Variants in TASP1 observed in about 807,000 individuals in gnomAD.
TASP1 encodes threonine aspartase 1.
Under a neutral mutation model 56.6 loss-of-function variants are expected in TASP1, and 16 were observed. The observed-to-expected ratio is 0.28, with a 90% CI of 0.19 to 0.43. The LOEUF (loss-of-function observed/expected upper bound fraction) is 0.43, where lower values mean the gene tolerates loss of function less well. Ranked by LOEUF, TASP1 falls within the 20% of genes least tolerant of loss-of-function variation. TASP1 has a pLI of 1.00. For missense variants in TASP1, 393 were observed against 511.6 expected (o/e 0.77, Z 2.24); for synonymous variants, 179 against 184.2 (o/e 0.97, Z 0.23).
the TASP1 span, among the ~76,000 whole-genome samples, chr20:13,348,736 T>C: frequency 2.6e-5 from 4 of 152,188 alleles, no homozygotes; most frequent in Non-Finnish European, 4.4e-5. Flanking sequence ...CTTCCAGACA[T>C]GGAACTGGGG....
the TASP1 span, among the ~76,000 whole-genome samples, chr20:13,276,461 A>G: frequency 1.3e-5 from 2 of 152,230 alleles, no homozygotes; most frequent in African/African-American, 2.4e-5. Context: ...AGACAGAATT[A>G]TCGAAATGGG....
chr20:13,299,363 T>G, the TASP1 span: 4 of 1,613,834 alleles, frequency 2.5e-6, no homozygotes, highest in Non-Finnish European at 3.4e-6. The surrounding 1 kb of genome is among the most constrained non-coding windows in gnomAD (Gnocchi z 5.8). Flanking sequence ...GGAGCAGGTA[T>G]AACGAGGCCC....
At chr20:13,287,973 T>C in the TASP1 span, among the ~76,000 whole-genome samples, 1 of 152,202 alleles carries the variant, frequency 6.6e-6, no homozygotes, top group Admixed American at 6.5e-5. Flanking sequence ...CTAGAAGGCT[T>C]GAGAAGGCTT....
chr20:13,376,150 C>A, the TASP1 span, among the ~76,000 whole-genome samples: 3 of 152,144 alleles, frequency 2.0e-5, no homozygotes, highest in South Asian at 6.2e-4. Context: ...ACTCTTTGCC[C>A]ATGCCTGTGT....
At chr20:13,559,154 A>C in intron 7 of TASP1, 40 bp from the exon 8 acceptor site, 1 of 1,310,652 alleles carries the variant, frequency 7.6e-7, no homozygotes. Flanking sequence ...ATAACATTTA[A>C]GAAATATTAG....
the TASP1 span, among the ~76,000 whole-genome samples, chr20:13,228,871 G>A: frequency 7.2e-5 from 11 of 151,878 alleles, no homozygotes; most frequent in Non-Finnish European, 1.2e-4. Context: ...CTTATGTCTC[G>A]AGGCATTCTT....
intron 4 of TASP1, among the ~76,000 whole-genome samples, chr20:13,587,579 C>A (rs199560343): frequency 8.4e-6 from 1 of 119,368 alleles, no homozygotes; most frequent in Admixed American, 8.2e-5. Context: ...ACCAAAAAAA[C>A]ATCAAAGAAA....
the TASP1 span, among the ~76,000 whole-genome samples, chr20:13,177,054 A>G: frequency 6.6e-6 from 1 of 152,112 alleles, no homozygotes; most frequent in African/African-American, 2.4e-5. Context: ...AGGCTGGCCA[A>G]CATGGTGAAA....
At chr20:13,254,768 C>G in the TASP1 span, among the ~76,000 whole-genome samples, 2 of 152,244 alleles carry the variant, frequency 1.3e-5, no homozygotes, top group African/African-American at 2.4e-5. Flanking sequence ...AGAACTTTTC[C>G]ACCTCTGCCA....
intron 10 of TASP1, among the ~76,000 whole-genome samples, chr20:13,510,871 C>T (rs571212477): frequency 6.6e-6 from 1 of 152,104 alleles, no homozygotes; most frequent in African/African-American, 2.4e-5. Context: ...GTTTTTGGTT[C>T]ATCCTTATTA....
the TASP1 span, among the ~76,000 whole-genome samples, chr20:13,163,300 G>A: frequency 2.2e-4 from 33 of 150,684 alleles, no homozygotes; most frequent in African/African-American, 5.6e-4. Context: ...CCCGGGAGGC[G>A]GAGGTTGCAG....
intron 13 of TASP1, among the ~76,000 whole-genome samples, chr20:13,411,470 T>C (rs2042091694): frequency 6.6e-6 from 1 of 152,228 alleles, no homozygotes; most frequent in Non-Finnish European, 1.5e-5. Context: ...TATCAGTGTT[T>C]TGTAGCCTTC....
At chr20:13,353,455 C>T in the TASP1 span, among the ~76,000 whole-genome samples, 1 of 152,156 alleles carries the variant, frequency 6.6e-6, no homozygotes, top group South Asian at 2.1e-4. Context: ...TCATGGGTTT[C>T]ACATGCTAGT....
intron 10 of TASP1, among the ~76,000 whole-genome samples, chr20:13,523,372 T>C (rs902143055): frequency 2.6e-5 from 4 of 152,276 alleles, no homozygotes; most frequent in East Asian, 1.9e-4. Context: ...CATTTGTCAA[T>C]ATCTCAGCAG....
chr20:13,269,608 A>G, the TASP1 span, among the ~76,000 whole-genome samples: 1 of 152,098 alleles, frequency 6.6e-6, no homozygotes, highest in Non-Finnish European at 1.5e-5. Context: ...TCCTTTTGCT[A>G]AAATGTCCTT....
intron 12 of TASP1, among the ~76,000 whole-genome samples, chr20:13,420,320 C>T (rs1174417713): frequency 6.6e-6 from 1 of 152,142 alleles, no homozygotes; most frequent in Admixed American, 6.5e-5. Context: ...TGATGAACTT[C>T]ATTAAATGAC....
chr20:13,612,402 T>C (rs1375825245), intron 4 of TASP1, among the ~76,000 whole-genome samples: 1 of 152,004 alleles, frequency 6.6e-6, no homozygotes, highest in East Asian at 1.9e-4. Flanking sequence ...ATCATTAGTA[T>C]AGACAACTTC....
At chr20:13,297,824 A>G in the TASP1 span, among the ~76,000 whole-genome samples, 1 of 152,158 alleles carries the variant, frequency 6.6e-6, no homozygotes, top group Non-Finnish European at 1.5e-5. Flanking sequence ...ACCAAACACA[A>G]CCCTTCTGGG....
chr20:13,588,303 A>G (rs571033845), intron 4 of TASP1, among the ~76,000 whole-genome samples: 41 of 112,502 alleles, frequency 3.6e-4, no homozygotes, highest in African/African-American at 1.2e-3. Flanking sequence ...GGAAGGAAGG[A>G]AGGAAGAGAA....
Sources: allele counts gnomAD v4.1 joint callset (sites outside exome capture counted in the v4.1 genomes callset), GRCh38; gene constraint gnomAD v4.1.1; non-coding constraint Gnocchi (gnomAD v3.1); transcripts MANE v1.5; gene names NCBI Gene and HGNC (gene_info 2026-07-23, HGNC 2026-07-21).